The following TPCN1 variants were observed in gnomAD, a reference collection of about 807,000 sequenced individuals.
TPCN1 encodes the protein two pore segment channel 1, also known as two pore channel protein 1.
TPCN1 carries 52 observed loss-of-function variants against 108.8 expected under a neutral mutation model. That is an observed-to-expected ratio of 0.48 (90% CI 0.38 to 0.60). The LOEUF (loss-of-function observed/expected upper bound fraction) is 0.60, where lower values mean the gene tolerates loss of function less well. Ranked by LOEUF, TPCN1 falls within the 20% of genes least tolerant of loss-of-function variation. The pLI is 0.00. For missense variants in TPCN1, 806 were observed against 1,072.8 expected (o/e 0.75, Z 3.47); for synonymous variants, 446 against 433.7 (o/e 1.03, Z -0.35).
chr12:113,266,168 T>C lies in TPCN1; in HGVS notation c.238-12T>C. Reference sequence around the variant, plus strand: ...CCAGGCTTACATGCCCACACTACTCTCATCTTTTCAGGAAGGCGAGAACAA... The same window carrying C: ...CCAGGCTTACATGCCCACACTACTCCCATCTTTTCAGGAAGGCGAGAACAA... On this transcript the variant is annotated splice_polypyrimidine_tract_variant and intron_variant, in intron 3 of 27. Coordinates refer to ENST00000335509, the MANE Select transcript of TPCN1 (RefSeq NM_017901.6). The surrounding 1 kb of genome is among the most constrained non-coding windows in gnomAD (Gnocchi z 4.2). The C allele has an allele frequency of 6.2e-7, 1 of 1,613,834 alleles. No individual in the cohort carries two copies. Among genetic ancestry groups the C allele is most frequent in the South Asian group, 1.1e-5 (1 of 91,048 alleles).
rs201814780 is a variant in TPCN1, at chr12:113,296,067, C to G, written c.2442C>G (p.Thr814=). 1.9e-6 allele frequency: 3 copies of G among 1,612,850 alleles called. No homozygotes were observed. Among genetic ancestry groups the G allele is most frequent in the East Asian group, 2.2e-5 (1 of 44,862 alleles). Residue 814 remains threonine (T), a synonymous_variant, in exon 28 of 28, where the codon ACC becomes ACG. Transcript: ENST00000335509. ...QPPGSRQRSQ[T]VT ...CAGGCAGCCGCCAGCGCTCCCAGAC[C>G]GTTACCTAGCCCAGCGCCCGAAAGC...
Position 113,269,684 on chromosome 12 carries a change from A to G in TPCN1, c.660-73A>G. ...TTCGAGTCAGAAGCACTAGGCCTCCATCTCAACAAGGAGGAGTCCCAGGCA... is the reference window on the plus strand; with the variant it reads ...TTCGAGTCAGAAGCACTAGGCCTCCGTCTCAACAAGGAGGAGTCCCAGGCA... On this transcript the variant is annotated intron_variant, in intron 6 of 27. Coordinates refer to ENST00000335509, the MANE Select transcript of TPCN1 (RefSeq NM_017901.6). This position sits in a 1 kb window ranked among gnomAD's most constrained non-coding sequence, Gnocchi z 5.0. The G allele has an allele frequency of 7.8e-7, 1 of 1,287,342 alleles. No homozygotes were observed. The highest frequency in any genetic ancestry group is 1.2e-5 in the South Asian group (1 of 82,406). The allele number at this position is 1,287,342 out of a possible 1,614,324, so 79.7% of individuals were successfully genotyped here.
At chr12:113,244,729 G>A (rs753810308) in intron 2 of TPCN1, 377 of 985,310 alleles carry the variant, frequency 3.8e-4, no homozygotes, top group Non-Finnish European at 4.5e-4. Context: ...GTTTCCGGAG[G>A]GCTCCGAGTG....
At chr12:113,264,401 G>A (rs61943605) in intron 3 of TPCN1, among the ~76,000 whole-genome samples, 7,522 of 152,238 alleles carry the variant, frequency 0.049, 263 homozygotes, top group Middle Eastern at 0.068. Context: ...AGAATGGGCC[G>A]AGCATGGTGG....
At chr12:113,247,976 C>G (rs138069443) in intron 2 of TPCN1, among the ~76,000 whole-genome samples, 2,413 of 152,336 alleles carry the variant, frequency 0.016, 71 homozygotes, top group African/African-American at 0.055. Context: ...TGTTCTTTCA[C>G]CTTAGCTCTT....
intron 15 of TPCN1, among the ~76,000 whole-genome samples, chr12:113,281,323 A>G (rs1955880990): frequency 6.6e-6 from 1 of 152,126 alleles, no homozygotes; most frequent in African/African-American, 2.4e-5. Flanking sequence ...TACAGGCGTG[A>G]GCCACGTGCC....
At chr12:113,230,420 C>T (rs1319643079) in intron 2 of TPCN1, among the ~76,000 whole-genome samples, 1 of 151,264 alleles carries the variant, frequency 6.6e-6, no homozygotes, top group East Asian at 1.9e-4. Context: ...GCTGAGACTA[C>T]AGGCATGTGT....
chr12:113,235,426 T>C (rs1284741960), intron 2 of TPCN1, among the ~76,000 whole-genome samples: 1 of 152,192 alleles, frequency 6.6e-6, no homozygotes, highest in Non-Finnish European at 1.5e-5. Context: ...TGTAACCTTT[T>C]TTTATTGTTG....
Position 113,290,930 on chromosome 12 carries a change from T to G in TPCN1, c.1913-22T>G, listed in dbSNP as rs145350170. The G allele has an allele frequency of 9.6e-4, 1,547 of 1,613,380 alleles. 11 individuals are homozygous for G. The highest frequency in any genetic ancestry group is 7.5e-3 in the South Asian group (687 of 91,050). On this transcript the variant is annotated intron_variant, in intron 22 of 27. Transcript: ENST00000335509. The stretch of plus-strand genomic sequence containing the variant: ...TGAAGTGGGGTCTCATCAGGATGCT[T>G]CTTTCTCTCTTCCCTCGGCAGTGAC...
At chr12:113,243,708 T>G (rs1335788666) in intron 2 of TPCN1, among the ~76,000 whole-genome samples, 1 of 152,016 alleles carries the variant, frequency 6.6e-6, no homozygotes, top group Admixed American at 6.6e-5. Context: ...GAGCCAAGAT[T>G]GTGCCACTGC....
At chr12:113,244,790 C>T (rs1331271458) in intron 2 of TPCN1, 1 of 980,588 alleles carries the variant, frequency 1.0e-6, no homozygotes, top group East Asian at 1.1e-4. Context: ...ACGGTTGGCA[C>T]TGGTCCCAGT....
chr12:113,279,936 C>T (rs558837389), intron 14 of TPCN1, among the ~76,000 whole-genome samples: 1 of 152,238 alleles, frequency 6.6e-6, no homozygotes, highest in Non-Finnish European at 1.5e-5. Flanking sequence ...GTAGTCAGTG[C>T]AGTCTTGTCT....
chr12:113,238,141 G>A (rs985473874), intron 2 of TPCN1, among the ~76,000 whole-genome samples: 1 of 152,142 alleles, frequency 6.6e-6, no homozygotes, highest in African/African-American at 2.4e-5. Context: ...TTCCCACTTA[G>A]TGGAGAAACC....
intron 14 of TPCN1, among the ~76,000 whole-genome samples, chr12:113,279,337 G>A (rs183244631): frequency 0.029 from 2,950 of 100,222 alleles, 116 homozygotes; most frequent in East Asian, 0.16. Flanking sequence ...GTGTGTGTGT[G>A]TATATATATG....
intron 2 of TPCN1, among the ~76,000 whole-genome samples, chr12:113,249,197 G>A (rs1292345806): frequency 1.3e-5 from 2 of 152,224 alleles, no homozygotes; most frequent in Non-Finnish European, 2.9e-5. Flanking sequence ...CATCCCAAGA[G>A]CCCTGGCCAA....
Position 113,278,188 on chromosome 12 carries a change from G to T in TPCN1, c.1185-1G>T. ...GTCCCTTTTTATTTTGCTTTTGGTA[G>T]CCTAAAGGACTTTTACGATATCTAC... On this transcript the variant is annotated splice_acceptor_variant, in intron 12 of 27. Transcript: ENST00000335509. LOFTEE classifies it high-confidence loss of function. 6.2e-7 allele frequency: 1 copy of T among 1,613,566 alleles called. No individual in the cohort carries two copies. The highest frequency in any genetic ancestry group is 8.5e-7 in the Non-Finnish European group (1 of 1,179,632).
intron 27 of TPCN1, among the ~76,000 whole-genome samples, chr12:113,293,696 G>A (rs997077711): frequency 1.3e-5 from 2 of 152,098 alleles, no homozygotes; most frequent in African/African-American, 4.8e-5. Context: ...AGCGGCGACC[G>A]TGGTGAACTG....
Position 113,297,485 on chromosome 12 carries a change from A to G in TPCN1, c.*1409A>G, listed in dbSNP as rs1010136255. 3 of 152,702 alleles carry G rather than the reference A, an allele frequency of 2.0e-5. No homozygotes were observed. The highest frequency in any genetic ancestry group is 4.4e-5 in the Non-Finnish European group (3 of 68,110). The allele number at this position is 152,702 out of a possible 1,614,324, so 9.5% of individuals were successfully genotyped here. ...GGCCTTGTCCTCTTCCCAGCCACAG[A>G]ACGGGCAGGGTGGCACCCGACCCCA... On this transcript the variant is annotated 3_prime_UTR_variant, in exon 28 of 28. Transcript: ENST00000335509. The surrounding 1 kb of genome is among the most constrained non-coding windows in gnomAD (Gnocchi z 4.4).
chr12:113,272,690 C>G lies in TPCN1; in HGVS notation c.781C>G (p.Pro261Ala), dbSNP rs764303706. 2 of 1,613,258 alleles carry G rather than the reference C, an allele frequency of 1.2e-6. No homozygotes were observed. The highest frequency in any genetic ancestry group is 1.3e-5 in the African/African-American group (1 of 74,928). Residue 261 changes from proline (P) to alanine (A), a missense_variant and splice_region_variant, in exon 8 of 28, where the codon CCC (proline) becomes GCC (alanine). Coordinates refer to ENST00000335509, the MANE Select transcript of TPCN1 (RefSeq NM_017901.6). The surrounding 1 kb of genome is among the most constrained non-coding windows in gnomAD (Gnocchi z 4.1). ...CTTGTTCTCCCCTAACCCTTCAGAC[C>G]CCGTAAGTAATCAGCACATTTGTCC... ...FYLFSPNPSD[P>A]YFSTLENSIV...
Sources: allele counts gnomAD v4.1 joint callset (sites outside exome capture counted in the v4.1 genomes callset), GRCh38; gene constraint gnomAD v4.1.1; non-coding constraint Gnocchi (gnomAD v3.1); transcripts MANE v1.5; gene names NCBI Gene and HGNC (gene_info 2026-07-23, HGNC 2026-07-21).